ZNF438: variants seen among roughly 807,000 people sequenced by gnomAD.
ZNF438 encodes zinc finger protein 438.
Under a neutral mutation model 38.0 loss-of-function variants are expected in ZNF438, and 25 were observed. The ratio of observed to expected loss-of-function variants is 0.66; its 90% CI spans 0.48 to 0.92. The LOEUF (loss-of-function observed/expected upper bound fraction) is 0.92. Ranked by LOEUF, ZNF438 falls within the 40% of genes least tolerant of loss-of-function variation. The pLI, the probability that ZNF438 is intolerant of heterozygous loss-of-function variation, is 0.00. For missense variants in ZNF438, 1,007 were observed against 999.6 expected (o/e 1.01, Z -0.10); for synonymous variants, 372 against 364.1 (o/e 1.02, Z -0.25).
chr10:30,938,850 A>C (rs892230450), intron 2 of ZNF438, among the ~76,000 whole-genome samples: 1 of 151,998 alleles, frequency 6.6e-6, no homozygotes, highest in African/African-American at 2.4e-5. Flanking sequence ...GCTGGAGTGC[A>C]GTGGCACGAT....
intron 1 of ZNF438, among the ~76,000 whole-genome samples, chr10:30,990,750 C>T (rs1415994010): frequency 6.6e-6 from 1 of 152,104 alleles, no homozygotes; most frequent in African/African-American, 2.4e-5. Context: ...GATCAAACCT[C>T]CCAGGTTCTT....
chr10:30,858,871 T>C (rs1211831020), intron 4 of ZNF438, among the ~76,000 whole-genome samples: 1 of 152,188 alleles, frequency 6.6e-6, no homozygotes, highest in Non-Finnish European at 1.5e-5. Flanking sequence ...AGCACAGGCC[T>C]TTGAGATTTG....
chr10:30,922,817 AAGAG>A (rs891747958), intron 2 of ZNF438, among the ~76,000 whole-genome samples: 6 of 151,914 alleles, frequency 3.9e-5, no homozygotes, highest in African/African-American at 1.4e-4. Flanking sequence ...CCTGGGCAAC[AAGAG>A]AGAAACTTTG....
At chr10:30,851,350 TTCTCTGAGG>T (rs2033592727) in intron 4 of ZNF438, among the ~76,000 whole-genome samples, 1 of 152,260 alleles carries the variant, frequency 6.6e-6, no homozygotes, top group Non-Finnish European at 1.5e-5. Flanking sequence ...ATCTATTTTA[TTCTCTGAGG>T]TCTCAAGGTC....
At chr10:31,016,312 T>C (rs968114313) in intron 1 of ZNF438, among the ~76,000 whole-genome samples, 1 of 152,080 alleles carries the variant, frequency 6.6e-6, no homozygotes, top group Non-Finnish European at 1.5e-5. Flanking sequence ...GAAAAATAAA[T>C]TTTCATAGAA....
At chr10:30,973,226 T>A (rs2136262060) in intron 1 of ZNF438, among the ~76,000 whole-genome samples, 1 of 152,330 alleles carries the variant, frequency 6.6e-6, no homozygotes, top group African/African-American at 2.4e-5. Flanking sequence ...TATTCTCCCC[T>A]GTATGCCCTC....
At chr10:30,863,987 A>T (rs4749628) in intron 4 of ZNF438, among the ~76,000 whole-genome samples, 3 of 151,874 alleles carry the variant, frequency 2.0e-5, no homozygotes, top group African/African-American at 7.3e-5. Context: ...GGCGGCCCAC[A>T]TTCCTTCCTC....
At chr10:30,983,101 G>A (rs1435973757) in intron 1 of ZNF438, among the ~76,000 whole-genome samples, 1 of 152,054 alleles carries the variant, frequency 6.6e-6, no homozygotes, top group Non-Finnish European at 1.5e-5. Flanking sequence ...AAGTGTACTG[G>A]GAACCATTTA....
chr10:31,023,560 A>T (rs1372262524), intron 1 of ZNF438, among the ~76,000 whole-genome samples: 1 of 152,244 alleles, frequency 6.6e-6, no homozygotes, highest in Non-Finnish European at 1.5e-5. Flanking sequence ...AATCAAAAGT[A>T]TGTTATATTA....
intron 1 of ZNF438, among the ~76,000 whole-genome samples, chr10:30,951,929 G>A (rs535444437): frequency 3.3e-5 from 5 of 151,100 alleles, no homozygotes; most frequent in East Asian, 1.9e-4. Context: ...CCAAAAAAGA[G>A]CCCGCATTGC....
In ZNF438 at chr10:30,924,780, T is replaced by C. The variant is rs1589224687; in HGVS notation, c.-114-15765A>G. Among the ~76,000 whole-genome samples the C allele has an allele frequency of 2.0e-5, 3 of 152,336 alleles. No homozygotes were observed. The South Asian group carries it at 6.2e-4, about 32-fold the overall frequency. ...AAACTGCCTTAAATTGGTTAAGAGA[T>C]ATGGCTATTGAATGCAATGTGGTAT... is the stretch of plus-strand genomic sequence containing the variant. On this transcript the variant is annotated intron_variant, in intron 2 of 5. Transcript: ENST00000413025.
At chr10:31,017,908 G>A (rs1019384133) in intron 1 of ZNF438, among the ~76,000 whole-genome samples, 1 of 152,194 alleles carries the variant, frequency 6.6e-6, no homozygotes, top group Non-Finnish European at 1.5e-5. Flanking sequence ...TCCCAAACAG[G>A]CTTATTCCTT....
At chr10:30,973,866 A>G (rs2051022943) in intron 1 of ZNF438, among the ~76,000 whole-genome samples, 1 of 152,206 alleles carries the variant, frequency 6.6e-6, no homozygotes, top group Non-Finnish European at 1.5e-5. Flanking sequence ...TGACATGTTC[A>G]TTATTTGAAA....
intron 1 of ZNF438, among the ~76,000 whole-genome samples, chr10:30,952,476 G>C (rs2135824610): frequency 6.6e-6 from 1 of 151,900 alleles, no homozygotes; most frequent in African/African-American, 2.4e-5. Flanking sequence ...CCTACAAAAT[G>C]GGAGAAAATT....
chr10:31,014,467 T>A (rs2056014404), intron 1 of ZNF438, among the ~76,000 whole-genome samples: 1 of 152,160 alleles, frequency 6.6e-6, no homozygotes, highest in Non-Finnish European at 1.5e-5. Flanking sequence ...ATTCACATCA[T>A]GAGGGCCCCA....
intron 4 of ZNF438, among the ~76,000 whole-genome samples, chr10:30,854,325 A>C (rs2034234517): frequency 6.6e-6 from 1 of 152,190 alleles, no homozygotes; most frequent in South Asian, 2.1e-4. Context: ...AAAAATAAAA[A>C]TTAATAGATA....
intron 1 of ZNF438, among the ~76,000 whole-genome samples, chr10:31,006,025 C>T (rs1326394832): frequency 6.6e-6 from 1 of 152,174 alleles, no homozygotes; most frequent in East Asian, 1.9e-4. Context: ...AAAGGATGTC[C>T]ATCCCTTATT....
chr10:30,920,941 T>A (rs1000526426), intron 2 of ZNF438: 1 of 152,038 alleles, frequency 6.6e-6, no homozygotes, highest in African/African-American at 2.4e-5. Flanking sequence ...GTGGCAGGGG[T>A]GTTATATTTC....
At chr10:30,850,450 T>A (rs2033385122) in intron 4 of ZNF438, 83 bp from the exon 6 acceptor site, 1 of 1,480,872 alleles carries the variant, frequency 6.8e-7, no homozygotes, top group Admixed American at 2.0e-5. Flanking sequence ...TCTTATTTAC[T>A]CTGCCCAGAA....
Sources: gnomAD v4.1 joint callset for allele counts (sites outside exome capture counted in the v4.1 genomes callset) on GRCh38, gnomAD v4.1.1 for gene constraint, MANE v1.5 for transcripts, NCBI Gene and HGNC (gene_info 2026-07-23, HGNC 2026-07-21) for gene names.